Variants in ARHGAP6 observed in about 807,000 individuals in gnomAD.
ARHGAP6 encodes rho GTPase-activating protein 6.
ARHGAP6 carries 16 observed loss-of-function variants against 55.7 expected under a neutral mutation model. The observed-to-expected ratio is 0.29, with a 90% CI of 0.19 to 0.44. The LOEUF (loss-of-function observed/expected upper bound fraction) is 0.44. Ranked by LOEUF, ARHGAP6 falls within the 20% of genes least tolerant of loss-of-function variation. The probability of loss-of-function intolerance (pLI) is 1.00; values close to 1 mark genes in which losing one functional copy is unlikely to be tolerated. For synonymous variants in ARHGAP6, 382 were observed against 360.9 expected, an observed-to-expected ratio of 1.06 and a Z score of -0.66; for missense variants, 698 against 808.9, an observed-to-expected ratio of 0.86 and a Z score of 1.66.
At chrX:11,500,684 AG>A (rs1352253805) in intron 1 of ARHGAP6, among the ~76,000 whole-genome samples, 9 of 103,621 alleles carry the variant, frequency 8.7e-5, no homozygotes, top group African/African-American at 2.2e-4. Flanking sequence ...AAAAAAAAAA[AG>A]AAGAAGCAAA....
chrX:11,319,575 C>T lies in ARHGAP6; in HGVS notation c.589-64868G>A, dbSNP rs1370632125. On this transcript the variant is annotated intron_variant, in intron 1 of 12. Coordinates refer to ENST00000337414, the MANE Select transcript of ARHGAP6 (RefSeq NM_013427.3). ...CTCTAATTTAATGAACATACAGTTA[C>T]CCGCACATATTTTGATTCATTATCA... 2.7e-5 allele frequency among the ~76,000 whole-genome samples: 3 copies of T among 112,214 alleles called. No homozygotes were observed. The East Asian group carries it at 8.3e-4, about 31-fold the overall frequency.
intron 1 of ARHGAP6, among the ~76,000 whole-genome samples, chrX:11,356,250 C>G (rs2048929526): frequency 9.2e-6 from 1 of 108,818 alleles, no homozygotes; most frequent in Non-Finnish European, 1.9e-5. Context: ...ACATCACACA[C>G]CGGGGCCTGT....
At chrX:11,598,508 C>T (rs2051930163) in intron 1 of ARHGAP6, among the ~76,000 whole-genome samples, 1 of 111,619 alleles carries the variant, frequency 9.0e-6, no homozygotes, top group Non-Finnish European at 1.9e-5. Context: ...TCCTTTCCTC[C>T]CCATTCTAGT....
chrX:11,597,022 C>T (rs1156274483), intron 1 of ARHGAP6, among the ~76,000 whole-genome samples: 1 of 111,767 alleles, frequency 8.9e-6, no homozygotes, highest in African/African-American at 3.3e-5. Flanking sequence ...AGGACTCCTT[C>T]CCCCACTCAG....
intron 1 of ARHGAP6, among the ~76,000 whole-genome samples, chrX:11,572,953 T>A (rs1601658356): frequency 8.9e-6 from 1 of 112,519 alleles, no homozygotes; most frequent in East Asian, 2.8e-4. Context: ...TGATACGCAT[T>A]TTTTCATGTG....
chrX:11,160,293 CAA>C (rs374632680), intron 9 of ARHGAP6, among the ~76,000 whole-genome samples: 2 of 90,009 alleles, frequency 2.2e-5, no homozygotes, highest in Non-Finnish European at 4.5e-5. Flanking sequence ...ACTAAAAATA[CAA>C]AAAAAAAAAA....
chrX:11,232,470 CA>C (rs1342134402), intron 2 of ARHGAP6, among the ~76,000 whole-genome samples: 1,442 of 102,094 alleles, frequency 0.014, 29 homozygotes, highest in African/African-American at 0.046. Context: ...AAAATACACA[CA>C]AAAAAAAAAA....
At chrX:11,325,091 C>A (rs1273212660) in intron 1 of ARHGAP6, among the ~76,000 whole-genome samples, 6 of 112,071 alleles carry the variant, frequency 5.4e-5, no homozygotes, top group Admixed American at 9.4e-5. Flanking sequence ...ATCTCCTGAC[C>A]TCATGATCCA....
intron 1 of ARHGAP6, among the ~76,000 whole-genome samples, chrX:11,324,417 T>C (rs2048473349): frequency 8.9e-6 from 1 of 111,807 alleles, no homozygotes; most frequent in African/African-American, 3.3e-5. Context: ...CTGTTTACTA[T>C]GAGAGTATTT....
intron 1 of ARHGAP6, among the ~76,000 whole-genome samples, chrX:11,596,567 T>C (rs2051906556): frequency 9.0e-6 from 1 of 111,546 alleles, no homozygotes; most frequent in South Asian, 3.8e-4. Context: ...GAACTTAAAG[T>C]ATATTAAAAA....
intron 1 of ARHGAP6, among the ~76,000 whole-genome samples, chrX:11,590,910 G>GAAAAGAAAAGA (rs755033130): frequency 1.2e-5 from 1 of 83,854 alleles, no homozygotes; most frequent in African/African-American, 4.8e-5. Flanking sequence ...AAGAAAGAAA[G>GAAAAGAAAAGA]AAAGAAAAGA....
intron 1 of ARHGAP6, among the ~76,000 whole-genome samples, chrX:11,296,433 A>G (rs1221386046): frequency 9.0e-6 from 1 of 111,344 alleles, no homozygotes; most frequent in Non-Finnish European, 1.9e-5. Context: ...GATTCATTGA[A>G]AACACTGGGC....
At chrX:11,654,767 T>C (rs975085434) in intron 1 of ARHGAP6, among the ~76,000 whole-genome samples, 1 of 111,981 alleles carries the variant, frequency 8.9e-6, no homozygotes, top group Admixed American at 9.5e-5. Context: ...ACCTCCCTAG[T>C]TTCATGTTGA....
At chrX:11,351,558 G>T in intron 1 of ARHGAP6, 1 of 753,812 alleles carries the variant, frequency 1.3e-6, no homozygotes, top group Non-Finnish European at 1.6e-6. Context: ...GAGAAGCCAT[G>T]GGCCTTGTAC....
intron 1 of ARHGAP6, among the ~76,000 whole-genome samples, chrX:11,262,960 C>T (rs2047580074): frequency 9.0e-6 from 1 of 111,128 alleles, no homozygotes; most frequent in African/African-American, 3.3e-5. Flanking sequence ...TAAGCTCCCA[C>T]AAGACCTGAA....
intron 2 of ARHGAP6, among the ~76,000 whole-genome samples, chrX:11,212,220 T>C (rs2046814053): frequency 8.9e-6 from 1 of 112,184 alleles, no homozygotes; most frequent in Non-Finnish European, 1.9e-5. Flanking sequence ...GTAATGTTCT[T>C]TGGTTTCTTT....
intron 1 of ARHGAP6, among the ~76,000 whole-genome samples, chrX:11,301,529 C>G (rs2048175243): frequency 9.0e-6 from 1 of 111,723 alleles, no homozygotes; most frequent in Admixed American, 9.5e-5. Context: ...ATTCCAGTAC[C>G]TTTATGATTA....
At chrX:11,432,718 C>T (rs1043190561) in intron 1 of ARHGAP6, among the ~76,000 whole-genome samples, 3 of 111,442 alleles carry the variant, frequency 2.7e-5, no homozygotes, top group Non-Finnish European at 5.7e-5. Context: ...CAGCTTAAGG[C>T]CCTCCTTGGC....
chrX:11,539,231 C>T (rs1399828167), intron 1 of ARHGAP6, among the ~76,000 whole-genome samples: 3 of 111,600 alleles, frequency 2.7e-5, no homozygotes, highest in Non-Finnish European at 5.6e-5. Context: ...TAACATTCCC[C>T]AAGTTATGAC....
Sources: allele counts gnomAD v4.1 joint callset (sites outside exome capture counted in the v4.1 genomes callset), GRCh38; gene constraint gnomAD v4.1.1; transcripts MANE v1.5; gene names NCBI Gene and HGNC (gene_info 2026-07-23, HGNC 2026-07-21).